MDN1: variants seen among roughly 807,000 people sequenced by gnomAD.
MDN1 encodes the protein midasin AAA ATPase 1.
A neutral mutation model predicts 669.2 loss-of-function variants in MDN1; 266 were observed. That is an observed-to-expected ratio of 0.40 (90% CI 0.36 to 0.44). MDN1 has a LOEUF of 0.44. Ranked by LOEUF, MDN1 falls within the 20% of genes least tolerant of loss-of-function variation. The pLI, the probability that MDN1 is intolerant of heterozygous loss-of-function variation, is 1.00. For synonymous variants in MDN1, 2,385 were observed against 2,457.1 expected (o/e 0.97, Z 0.87); for missense variants, 5,940 against 6,754.0 (o/e 0.88, Z 4.22).
chr6:89,665,839 A>G (rs1810167474), intron 84 of MDN1, among the ~76,000 whole-genome samples: 1 of 152,360 alleles, frequency 6.6e-6, no homozygotes, highest in South Asian at 2.1e-4. Context: ...CAGGAGTTCA[A>G]GAACAGCTTG....
intron 66 of MDN1, 60 bp downstream of exon 66, chr6:89,688,513 G>GCCA: frequency 6.7e-7 from 1 of 1,494,370 alleles, no homozygotes; most frequent in Non-Finnish European, 9.2e-7. Context: ...ATAATGGTGA[G>GCCA]GCTGCATCCT....
At position 89,646,572 on chromosome 6, in the gene MDN1, G is replaced by A; in HGVS notation, c.16427C>T (p.Ala5476Val). 6.2e-7 allele frequency: 1 copy of A among 1,614,152 alleles called. No individual in the cohort carries two copies. The highest frequency in any genetic ancestry group is 1.1e-5 in the South Asian group (1 of 91,066). Reference protein sequence around the residue: ...FLESVANMFAAAQQLSQNISS... With the variant: ...FLESVANMFAVAQQLSQNISS... The stretch of plus-strand genomic sequence containing the variant: ...GATGTTCTGCGAGAGCTGCTGAGCA[G>A]CTGCAAACATGTTGGCAACAGACTC... The change falls in exon 100 of 102, where the codon GCT (alanine) becomes GTT (valine). Residue 5476 changes from alanine to valine, a missense_variant. By Grantham distance (64) the Ala-to-Val change is moderately conservative. This residue lies in a region of MDN1 where 2,280 missense variants were observed against 2,576.3 expected (regional missense o/e 0.88). Transcript: ENST00000369393.
At chr6:89,724,973 T>A (rs1261513178) in intron 38 of MDN1, among the ~76,000 whole-genome samples, 1 of 152,200 alleles carries the variant, frequency 6.6e-6, no homozygotes, top group Admixed American at 6.5e-5. Context: ...CTGGGGACCT[T>A]ACTTTCTTCC....
chr6:89,809,297 A>G (rs868541686), intron 1 of MDN1, among the ~76,000 whole-genome samples: 1 of 151,996 alleles, frequency 6.6e-6, no homozygotes, highest in Non-Finnish European at 1.5e-5. Context: ...TATATATTTA[A>G]AACTTTTTAT....
At position 89,747,456 on chromosome 6, in the gene MDN1, ACTT is replaced by A; in HGVS notation, c.3774_3776del (p.Arg1258del). On this transcript the variant is annotated inframe_deletion, in exon 27 of 102. Transcript: ENST00000369393. The stretch of plus-strand genomic sequence containing the variant: ...CCTGCTTTCCAGCAAACACTGAAGA[ACTT>A]CTGCGATAGGACTGTTGAAGTATCA... 1.9e-6 allele frequency: 3 copies of A among 1,613,760 alleles called. No homozygotes were observed. Among genetic ancestry groups the A allele is most frequent in the Non-Finnish European group, 2.5e-6 (3 of 1,179,942 alleles).
intron 13 of MDN1, 92 bp downstream of exon 13, chr6:89,774,529 G>A: frequency 1.1e-6 from 1 of 883,398 alleles, no homozygotes; most frequent in Non-Finnish European, 1.9e-6. Context: ...GTTCAGACAT[G>A]TGTTTTGCAC....
chr6:89,816,431 T>G (rs1768836684), intron 1 of MDN1, among the ~76,000 whole-genome samples: 2 of 3,976 alleles, frequency 5.0e-4, no homozygotes, highest in Non-Finnish European at 3.0e-3. Flanking sequence ...AGACTGCATT[T>G]GGGGGAAAAA....
Position 89,743,557 on chromosome 6 carries a change from C to A in MDN1, c.4317+19G>T. 6.2e-7 allele frequency: 1 copy of A among 1,607,718 alleles called. No individual in the cohort carries two copies. The highest frequency in any genetic ancestry group is 1.7e-4 in the Middle Eastern group (1 of 5,962). On this transcript the variant is annotated intron_variant, in intron 30 of 101. Transcript: ENST00000369393. ...CTGCAGTTTTTTAAAATAACAGGAA[C>A]ACTTGCTGCTGGACAAACCTTGTCG...
Position 89,674,285 on chromosome 6 carries a change from G to C in MDN1, c.13066C>G (p.Leu4356Val). 1.2e-6 allele frequency: 2 copies of C among 1,614,258 alleles called. No individual in the cohort carries two copies. The highest frequency in any genetic ancestry group is 1.7e-6 in the Non-Finnish European group (2 of 1,180,046). ...CCAGGTATTGGAGATGGGTAGCTCA[G>C]ATTGGAAGGAATTAGGTCCAGCACT... Reference protein sequence around the residue: ...GVVLDLIPSNLSYPSPIPGSQ... With the variant: ...GVVLDLIPSNVSYPSPIPGSQ... The change falls in exon 79 of 102, where the codon CTG becomes GTG. Residue 4356 changes from leucine (L) to valine (V), a missense_variant. Transcript: ENST00000369393.
chr6:89,713,133 AAT>A lies in MDN1; in HGVS notation c.7218+13_7218+14del, dbSNP rs763359225. ...GTATTACAACTTAGAAACATTCTGC[AAT>A]ACTTCATAGTACCTTCCGGTTTGCT... is the stretch of plus-strand genomic sequence containing the variant. On this transcript the variant is annotated intron_variant, in intron 47 of 101. Transcript: ENST00000369393. The A allele has an allele frequency of 1.2e-6, 2 of 1,601,778 alleles. No homozygotes were observed. The highest frequency in any genetic ancestry group is 1.7e-6 in the Non-Finnish European group (2 of 1,176,160).
At chr6:89,755,402 G>C (rs1373162987) in intron 20 of MDN1, among the ~76,000 whole-genome samples, 2 of 137,512 alleles carry the variant, frequency 1.5e-5, no homozygotes, top group Admixed American at 7.3e-5. Flanking sequence ...AAAAAAAATA[G>C]AACTCCAAGT....
chr6:89,649,973 T>C (rs373336399), intron 97 of MDN1, 51 bp downstream of exon 97: 9 of 1,591,680 alleles, frequency 5.7e-6, no homozygotes, highest in Admixed American at 1.7e-5. Context: ...CCATGGAACA[T>C]AGCTTGATGT....
chr6:89,696,687 A>G (rs1162594794), intron 59 of MDN1, 113 bp from the exon 60 acceptor site: 6 of 750,536 alleles, frequency 8.0e-6, no homozygotes, highest in Non-Finnish European at 1.3e-5. Context: ...TGGAACAGGT[A>G]AGCATCACTC....
rs1334345632 is a variant in MDN1, at chr6:89,654,329, C to T, written c.15496G>A (p.Ala5166Thr). Residue 5166 changes from alanine (A) to threonine (T), a missense_variant, in exon 93 of 102, where the codon GCC (alanine) becomes ACC (threonine). By Grantham distance (58) the Ala-to-Thr change is moderately conservative (BLOSUM62 0). Around this residue, in one of 5 missense-constraint regions of MDN1, gnomAD observed 2,280 missense variants for 2,576.3 expected, o/e 0.88. Coordinates refer to ENST00000369393, the MANE Select transcript of MDN1 (RefSeq NM_014611.3). The part of the protein sequence containing the change: ...DAYDAQTYDV[A>T]SKEQQQSAKD... The stretch of plus-strand genomic sequence containing the variant: ...GCAGACTGTTGCTGTTCTTTGCTGG[C>T]CACATCTGTCAACAAAGCACGCACC... 6.2e-7 allele frequency: 1 copy of T among 1,614,124 alleles called. No individual in the cohort carries two copies. Among genetic ancestry groups the T allele is most frequent in the Admixed American group, 1.7e-5 (1 of 60,020 alleles).
chr6:89,718,258 T>G, intron 43 of MDN1, 108 bp downstream of exon 43: 1 of 1,233,390 alleles, frequency 8.1e-7, no homozygotes, highest in Non-Finnish European at 1.1e-6. Flanking sequence ...AAGTTCTGAT[T>G]GTTAATAATT....
At chr6:89,795,618 G>T (rs896699005) in intron 2 of MDN1, among the ~76,000 whole-genome samples, 1 of 151,980 alleles carries the variant, frequency 6.6e-6, no homozygotes, top group African/African-American at 2.4e-5. Context: ...CAAACCCTTC[G>T]CTAGATTAAG....
rs1008097750 is a variant in MDN1 at position 89,803,901 on chromosome 6, T to A, written c.103-347A>T. Among the ~76,000 whole-genome samples, 7 of 93,380 alleles carry A rather than the reference T, an allele frequency of 7.5e-5. 1 individual carries two copies. The highest frequency in any genetic ancestry group is 3.2e-4 in the African/African-American group (7 of 21,760). The allele number at this position is 93,380 out of a possible 152,430, so 61.3% of individuals were successfully genotyped here. ...CGGCCTTTTCTTTTCTTTTCTTTTT[T>A]TTTTTTTTTTTTTTTTTGGAGACAG... is the stretch of plus-strand genomic sequence containing the variant. On this transcript the variant is annotated intron_variant, in intron 1 of 101. Coordinates refer to ENST00000369393, the MANE Select transcript of MDN1 (RefSeq NM_014611.3).
chr6:89,654,468 G>T, intron 92 of MDN1, 134 bp from the exon 93 acceptor site: 2 of 1,139,976 alleles, frequency 1.8e-6, no homozygotes, highest in Non-Finnish European at 2.5e-6. Context: ...GACCAGCTAT[G>T]TGGCTTGGAG....
rs1363688498 is a variant in MDN1, at chr6:89,774,717, T to C, written c.1838A>G (p.Gln613Arg). The change falls in exon 13 of 102, where the codon CAA (glutamine) becomes CGA (arginine). Residue 613 changes from glutamine to arginine, a missense_variant. Physicochemically the swap from Gln to Arg is conservative, Grantham distance 43 (BLOSUM62 1). This residue lies in a region of MDN1 where 1,203 missense variants were observed against 1,268.9 expected (regional missense o/e 0.95). Transcript: ENST00000369393. ...ISRKKAEFFCQLYKPEIVINE... is the reference protein window; with the variant it reads ...ISRKKAEFFCRLYKPEIVINE... The stretch of plus-strand genomic sequence containing the variant: ...GATCACAATTTCTGGTTTATAAAGT[T>C]GACAAAAGAATTCAGCCTGTAGGAG... 3.1e-6 allele frequency: 5 copies of C among 1,612,940 alleles called. No individual in the cohort carries two copies. The East Asian group carries it at 1.1e-4, about 36-fold the overall frequency.
Sources: gnomAD v4.1 joint callset for allele counts (sites outside exome capture counted in the v4.1 genomes callset) on GRCh38, gnomAD v4.1.1 for gene constraint, gnomAD v4.1.1 regional missense constraint, MANE v1.5 for transcripts, NCBI Gene and HGNC (gene_info 2026-07-23, HGNC 2026-07-21) for gene names.